The following KCNH8 variants were observed in gnomAD, a reference collection of about 807,000 sequenced individuals.
KCNH8 encodes the protein potassium voltage-gated channel subfamily H member 8, also known as voltage-gated delayed rectifier potassium channel KCNH8.
Under a neutral mutation model 103.6 loss-of-function variants are expected in KCNH8, and 70 were observed. The observed-to-expected ratio is 0.68, with a 90% CI of 0.56 to 0.82. KCNH8 has a LOEUF of 0.82. Among genes scored for constraint, KCNH8 ranks in the 40% least tolerant of loss-of-function variants. The pLI is 0.00. For missense variants in KCNH8, 1,217 were observed against 1,329.9 expected (o/e 0.92, Z 1.32); for synonymous variants, 498 against 489.4 (o/e 1.02, Z -0.23).
intron 3 of KCNH8, among the ~76,000 whole-genome samples, chr3:19,295,926 T>C (rs2064991753): frequency 6.6e-6 from 1 of 152,150 alleles, no homozygotes; most frequent in Admixed American, 6.5e-5. Flanking sequence ...ATTTTGAGTC[T>C]AGTTTCTGCC....
At chr3:19,399,607 G>A (rs2066578934) in intron 7 of KCNH8, among the ~76,000 whole-genome samples, 1 of 151,844 alleles carries the variant, frequency 6.6e-6, no homozygotes, top group Non-Finnish European at 1.5e-5. Context: ...TGGCAATACT[G>A]ACTCTCATGA....
chr3:19,239,930 A>G (rs903959310), intron 1 of KCNH8, among the ~76,000 whole-genome samples: 4 of 152,200 alleles, frequency 2.6e-5, no homozygotes, highest in Admixed American at 6.5e-5. Context: ...TGGTATCTTT[A>G]TGATCATCCT....
chr3:19,411,869 A>T (rs1189979465), intron 7 of KCNH8, among the ~76,000 whole-genome samples: 1 of 151,952 alleles, frequency 6.6e-6, no homozygotes, highest in Non-Finnish European at 1.5e-5. Flanking sequence ...ATGAAATGAA[A>T]CCATAGATGA....
intron 3 of KCNH8, among the ~76,000 whole-genome samples, chr3:19,338,158 A>G (rs968533927): frequency 2.0e-5 from 3 of 151,996 alleles, no homozygotes; most frequent in African/African-American, 7.2e-5. Context: ...GTGGCTTCAA[A>G]GGCGCTGGAT....
At chr3:19,475,373 A>T (rs2067951733) in intron 11 of KCNH8, among the ~76,000 whole-genome samples, 1 of 152,180 alleles carries the variant, frequency 6.6e-6, no homozygotes, top group Non-Finnish European at 1.5e-5. Context: ...TCACGTTTTT[A>T]CAAAGAGAAG....
chr3:19,370,943 C>A (rs1161296924), intron 5 of KCNH8, among the ~76,000 whole-genome samples: 1 of 151,768 alleles, frequency 6.6e-6, no homozygotes, highest in African/African-American at 2.4e-5. Context: ...ATGAACTCAT[C>A]ATTTTTTATG....
intron 7 of KCNH8, among the ~76,000 whole-genome samples, chr3:19,437,649 C>G (rs2067219448): frequency 6.6e-6 from 1 of 152,082 alleles, no homozygotes; most frequent in African/African-American, 2.4e-5. Flanking sequence ...GGATACCTGC[C>G]CAAGTGAATA....
At chr3:19,196,366 A>G (rs997716706) in intron 1 of KCNH8, among the ~76,000 whole-genome samples, 2 of 151,966 alleles carry the variant, frequency 1.3e-5, no homozygotes, top group African/African-American at 4.8e-5. Flanking sequence ...GAAGTTTCAA[A>G]TTTCTGCTCT....
At chr3:19,443,890 A>G (rs2125177138) in intron 8 of KCNH8, among the ~76,000 whole-genome samples, 1 of 152,224 alleles carries the variant, frequency 6.6e-6, no homozygotes, top group African/African-American at 2.4e-5. Context: ...TGAGAAAATA[A>G]TGGAAGGATG....
chr3:19,498,459 C>A (rs1575143362), intron 11 of KCNH8, among the ~76,000 whole-genome samples: 1 of 152,230 alleles, frequency 6.6e-6, no homozygotes, highest in East Asian at 1.9e-4. Flanking sequence ...ATTCCCTCAG[C>A]GCTGACTTGT....
Position 19,390,463 on chromosome 3 carries a change from C to CT in KCNH8, c.812-10dup, listed in dbSNP as rs751416333. 4.4e-5 allele frequency: 69 copies of CT among 1,582,364 alleles called. No individual in the cohort carries two copies. The highest frequency in any genetic ancestry group is 1.7e-4 in the Middle Eastern group (1 of 5,952). ...CTGTCTCTTCCTTTTATTTCTCAAC[C>CT]TTTTTTTTCCCAAGCAGATATTATT... is the stretch of plus-strand genomic sequence containing the variant. On this transcript the variant is annotated splice_polypyrimidine_tract_variant and intron_variant, in intron 5 of 15. Coordinates refer to ENST00000328405, the MANE Select transcript of KCNH8 (RefSeq NM_144633.3).
intron 12 of KCNH8, 49 bp downstream of exon 12, chr3:19,510,450 T>G (rs2068764484): frequency 9.0e-7 from 1 of 1,112,726 alleles, no homozygotes; most frequent in Non-Finnish European, 1.4e-6. Flanking sequence ...TCTGGAGGAT[T>G]ACCAATAAAT....
chr3:19,290,117 A>G (rs1228948180), intron 3 of KCNH8, among the ~76,000 whole-genome samples: 5 of 152,140 alleles, frequency 3.3e-5, no homozygotes, highest in Admixed American at 1.3e-4. Context: ...ACTTTGCTGA[A>G]GTTGCCTATC....
At position 19,293,957 on chromosome 3, in the gene KCNH8, A is replaced by G. The variant is rs962502076; in HGVS notation, c.442+12628A>G. Among the ~76,000 whole-genome samples the G allele has an allele frequency of 5.3e-5, 8 of 152,208 alleles. 1 individual carries two copies. In the South Asian group the frequency reaches 1.7e-3, roughly 31 times the overall value. ...GCATTCTTGCTGTTTCAAAGTAACC[A>G]GATCAAAATTATAAAAGCTGCATTT... is the stretch of plus-strand genomic sequence containing the variant. On this transcript the variant is annotated intron_variant, in intron 3 of 15. Coordinates refer to ENST00000328405, the MANE Select transcript of KCNH8 (RefSeq NM_144633.3).
intron 3 of KCNH8, among the ~76,000 whole-genome samples, chr3:19,315,209 C>A (rs1293091234): frequency 6.6e-6 from 1 of 151,918 alleles, no homozygotes; most frequent in African/African-American, 2.4e-5. Context: ...AGTGCCAGAA[C>A]TGGTAAAGAA....
intron 8 of KCNH8, among the ~76,000 whole-genome samples, chr3:19,440,941 T>C (rs535332772): frequency 6.6e-6 from 1 of 152,278 alleles, no homozygotes; most frequent in East Asian, 1.9e-4. Flanking sequence ...TGCTTTGTAA[T>C]GCTGGGGTTT....
At chr3:19,348,464 T>C (rs1288192395) in intron 5 of KCNH8, among the ~76,000 whole-genome samples, 1 of 152,120 alleles carries the variant, frequency 6.6e-6, no homozygotes, top group Non-Finnish European at 1.5e-5. Flanking sequence ...AGTGAGTATC[T>C]GATTTTAATT....
At chr3:19,281,430 C>A in intron 3 of KCNH8, 101 bp downstream of exon 3, 1 of 1,067,082 alleles carries the variant, frequency 9.4e-7, no homozygotes, top group Non-Finnish European at 1.3e-6. Flanking sequence ...ATAACAGCAA[C>A]TGATAAATAT....
At chr3:19,364,867 T>G (rs77388903) in intron 5 of KCNH8, among the ~76,000 whole-genome samples, 1 of 152,110 alleles carries the variant, frequency 6.6e-6, no homozygotes, top group South Asian at 2.1e-4. Flanking sequence ...GAATTCACTA[T>G]GGGAAGATGA....
Sources: allele counts gnomAD v4.1 joint callset (sites outside exome capture counted in the v4.1 genomes callset), GRCh38; gene constraint gnomAD v4.1.1; transcripts MANE v1.5; gene names NCBI Gene and HGNC (gene_info 2026-07-23, HGNC 2026-07-21).